The following LHFPL3 variants were observed in gnomAD, a reference collection of about 807,000 sequenced individuals.
LHFPL3 encodes the protein LHFPL tetraspan subfamily member 3 protein.
A neutral mutation model predicts 19.3 loss-of-function variants in LHFPL3; 5 were observed. The ratio of observed to expected loss-of-function variants is 0.26; its 90% CI spans 0.14 to 0.54. The LOEUF (loss-of-function observed/expected upper bound fraction) is 0.54. LHFPL3 is among the 20% of genes least tolerant of loss of function. The pLI, the probability that LHFPL3 is intolerant of heterozygous loss-of-function variation, is 0.94. For synonymous variants in LHFPL3, 133 were observed against 126.2 expected (o/e 1.05, Z -0.36); for missense variants, 249 against 307.4 (o/e 0.81, Z 1.42).
At chr7:104,747,272 AT>A (rs1794065837) in intron 2 of LHFPL3, among the ~76,000 whole-genome samples, 1 of 152,198 alleles carries the variant, frequency 6.6e-6, no homozygotes, top group Non-Finnish European at 1.5e-5. Flanking sequence ...AATGTTACAC[AT>A]TTTCAACCTG....
At chr7:104,850,851 G>A (rs1194633924) in intron 2 of LHFPL3, among the ~76,000 whole-genome samples, 3 of 150,466 alleles carry the variant, frequency 2.0e-5, no homozygotes, top group Non-Finnish European at 4.4e-5. Context: ...ACTATAGATA[G>A]AAGAGTAAAA....
intron 2 of LHFPL3, among the ~76,000 whole-genome samples, chr7:104,825,443 T>C (rs1196564240): frequency 1.3e-5 from 2 of 151,876 alleles, no homozygotes; most frequent in Non-Finnish European, 2.9e-5. Flanking sequence ...GTCTGTGATT[T>C]GGGGCAAGTT....
At chr7:104,613,368 A>G (rs1791245980) in intron 1 of LHFPL3, among the ~76,000 whole-genome samples, 1 of 152,168 alleles carries the variant, frequency 6.6e-6, no homozygotes, top group South Asian at 2.1e-4. Context: ...AAGGATAAGA[A>G]CTTTATTGCC....
At chr7:104,854,680 T>C (rs1791470305) in intron 2 of LHFPL3, among the ~76,000 whole-genome samples, 1 of 152,188 alleles carries the variant, frequency 6.6e-6, no homozygotes, top group African/African-American at 2.4e-5. Context: ...GTCTAGCACC[T>C]CAAATGACAA....
chr7:104,757,694 A>C (rs892817677), intron 2 of LHFPL3: 1 of 152,558 alleles, frequency 6.6e-6, no homozygotes, highest in African/African-American at 2.4e-5. Flanking sequence ...ATAAAAAGAC[A>C]AAAAACAACA....
chr7:104,900,471 T>G (rs773796152), intron 2 of LHFPL3, among the ~76,000 whole-genome samples: 1 of 152,226 alleles, frequency 6.6e-6, no homozygotes, highest in Non-Finnish European at 1.5e-5. Flanking sequence ...GCCTGACTCT[T>G]AGGCCATTTT....
chr7:104,516,314 A>G (rs546496642), intron 1 of LHFPL3, among the ~76,000 whole-genome samples: 5 of 152,102 alleles, frequency 3.3e-5, no homozygotes, highest in African/African-American at 9.7e-5. Context: ...TGATTCAGTT[A>G]TCTCCCACTG....
At position 104,603,146 on chromosome 7, in the gene LHFPL3, C is replaced by T. The variant is rs539015488; in HGVS notation, c.446-133529C>T. On this transcript the variant is annotated intron_variant, in intron 1 of 2. Transcript: ENST00000424859. The stretch of plus-strand genomic sequence containing the variant: ...TCTTTCTTTCTTTTTTCCCTTCCTT[C>T]CTTCCTTCCTTCCTTCCTTTCTTTC... 1.5e-3 allele frequency among the ~76,000 whole-genome samples: 70 copies of T among 45,864 alleles called. 1 individual carries two copies. The highest frequency in any genetic ancestry group is 3.0e-3 in the African/African-American group (63 of 20,912). The allele number at this position is 45,864 out of a possible 152,430, so 30.1% of individuals were successfully genotyped here.
intron 1 of LHFPL3, among the ~76,000 whole-genome samples, chr7:104,530,257 T>A (rs1794270879): frequency 6.6e-6 from 1 of 152,234 alleles, no homozygotes; most frequent in Non-Finnish European, 1.5e-5. Flanking sequence ...TCCCACAGAC[T>A]TCCAGAAGGT....
At chr7:104,666,051 C>T (rs1032582867) in intron 1 of LHFPL3, among the ~76,000 whole-genome samples, 58 of 152,220 alleles carry the variant, frequency 3.8e-4, no homozygotes, top group African/African-American at 1.3e-3. Flanking sequence ...TTTATTAATA[C>T]ATAATATTTG....
intron 1 of LHFPL3, among the ~76,000 whole-genome samples, chr7:104,404,925 G>T (rs1230417467): frequency 6.6e-6 from 1 of 152,042 alleles, no homozygotes; most frequent in Non-Finnish European, 1.5e-5. Flanking sequence ...ACATAAAAAA[G>T]GTAAAAATTA....
At chr7:104,729,788 C>G (rs1793659666) in intron 1 of LHFPL3, among the ~76,000 whole-genome samples, 1 of 151,976 alleles carries the variant, frequency 6.6e-6, no homozygotes, top group Non-Finnish European at 1.5e-5. Context: ...GGTACATGTG[C>G]ACAACATGCA....
At chr7:104,509,494 T>C (rs1001732420) in intron 1 of LHFPL3, among the ~76,000 whole-genome samples, 1 of 151,966 alleles carries the variant, frequency 6.6e-6, no homozygotes, top group African/African-American at 2.4e-5. Flanking sequence ...CATGATTGTA[T>C]CAATAGCTAT....
intron 1 of LHFPL3, among the ~76,000 whole-genome samples, chr7:104,663,638 A>G (rs1339333102): frequency 6.6e-6 from 1 of 152,248 alleles, no homozygotes; most frequent in Non-Finnish European, 1.5e-5. Flanking sequence ...TGCCAAAGGT[A>G]TATGCCAAAA....
intron 1 of LHFPL3, among the ~76,000 whole-genome samples, chr7:104,382,545 G>C (rs1790848517): frequency 6.6e-6 from 1 of 152,114 alleles, no homozygotes; most frequent in Non-Finnish European, 1.5e-5. Context: ...TTGATGCCTG[G>C]GTTCCATCTC....
Position 104,374,036 on chromosome 7 carries a change from G to A in LHFPL3, c.445+44812G>A, listed in dbSNP as rs151182065. On this transcript the variant is annotated intron_variant, in intron 1 of 2. Coordinates refer to ENST00000424859, the MANE Select transcript of LHFPL3 (RefSeq NM_199000.3). ...CGATACATAGGGCTAAATAAAACCC[G>A]TCTGATGAGGATTTATAGTTTGTAG... 2.8e-3 allele frequency among the ~76,000 whole-genome samples: 420 copies of A among 152,162 alleles called. 1 individual carries two copies. The highest frequency in any genetic ancestry group is 9.7e-3 in the African/African-American group (402 of 41,504).
At chr7:104,600,317 C>G (rs1003035135) in intron 1 of LHFPL3, among the ~76,000 whole-genome samples, 2 of 152,176 alleles carry the variant, frequency 1.3e-5, no homozygotes, top group Non-Finnish European at 2.9e-5. Context: ...TATTGAGATA[C>G]GGAGCTCTGC....
intron 2 of LHFPL3, among the ~76,000 whole-genome samples, chr7:104,812,799 A>G (rs1241033470): frequency 1.4e-5 from 1 of 69,318 alleles, no homozygotes. Context: ...GCAAGACTCC[A>G]TCTCAAAAAA....
chr7:104,389,250 A>G (rs1477190435), intron 1 of LHFPL3, among the ~76,000 whole-genome samples: 1 of 152,218 alleles, frequency 6.6e-6, no homozygotes, highest in Non-Finnish European at 1.5e-5. Context: ...TGAAAAGGAA[A>G]TTAAGAAAAC....
Sources: gnomAD v4.1 joint callset for allele counts (sites outside exome capture counted in the v4.1 genomes callset) on GRCh38, gnomAD v4.1.1 for gene constraint, MANE v1.5 for transcripts, NCBI Gene and HGNC (gene_info 2026-07-23, HGNC 2026-07-21) for gene names.